ARHGEF3: variants seen among roughly 807,000 people sequenced by gnomAD.
The protein encoded by ARHGEF3 is Rho guanine nucleotide exchange factor 3.
A neutral mutation model predicts 63.2 loss-of-function variants in ARHGEF3; 28 were observed. The observed-to-expected ratio is 0.44, with a 90% CI of 0.33 to 0.61. The LOEUF is 0.61. Ranked by LOEUF, ARHGEF3 falls within the 20% of genes least tolerant of loss-of-function variation. The probability of loss-of-function intolerance (pLI) is 0.03; values close to 1 mark genes in which losing one functional copy is unlikely to be tolerated. For synonymous variants in ARHGEF3, 266 were observed against 254.2 expected (o/e 1.05, Z -0.44); for missense variants, 533 against 659.3 (o/e 0.81, Z 2.10).
At chr3:56,773,431 G>GA (rs1295783124) in intron 2 of ARHGEF3, among the ~76,000 whole-genome samples, 2 of 152,056 alleles carry the variant, frequency 1.3e-5, no homozygotes, top group Admixed American at 1.3e-4. Context: ...GATATTTTAG[G>GA]AAAAAAATCG....
At chr3:56,973,283 C>T (rs956889873) in intron 2 of ARHGEF3, among the ~76,000 whole-genome samples, 1 of 152,146 alleles carries the variant, frequency 6.6e-6, no homozygotes, top group Non-Finnish European at 1.5e-5. Flanking sequence ...TCCCAAAGTG[C>T]TGGGATTACA....
chr3:56,804,621 C>G (rs2037797333), upstream of ARHGEF3, among the ~76,000 whole-genome samples: 1 of 152,160 alleles, frequency 6.6e-6, no homozygotes, highest in Non-Finnish European at 1.5e-5. Flanking sequence ...AAGAGAGCAC[C>G]TGAGTTTTTT....
chr3:56,750,947 C>G, intron 6 of ARHGEF3, 109 bp downstream of exon 6: 1 of 785,558 alleles, frequency 1.3e-6, no homozygotes, highest in Non-Finnish European at 1.8e-6. Context: ...GATGTGAAAC[C>G]AACATTTGTA....
chr3:56,947,438 C>G (rs192194132), intron 3 of ARHGEF3, among the ~76,000 whole-genome samples: 184 of 152,156 alleles, frequency 1.2e-3, no homozygotes, highest in African/African-American at 4.3e-3. Context: ...GGAAGATCTA[C>G]CAAGCAAATG....
At chr3:56,783,726 C>T (rs886661395) in intron 1 of ARHGEF3, among the ~76,000 whole-genome samples, 6 of 152,274 alleles carry the variant, frequency 3.9e-5, no homozygotes, top group South Asian at 4.1e-4. Context: ...CTGTTTCAGA[C>T]GCTGTATTTC....
intron 1 of ARHGEF3, among the ~76,000 whole-genome samples, chr3:56,780,695 G>A (rs1341821542): frequency 1.3e-5 from 2 of 152,278 alleles, no homozygotes; most frequent in East Asian, 1.9e-4. Flanking sequence ...GAAGAGTACT[G>A]GTTGGTTATT....
At chr3:56,951,592 T>A (rs1260794167) in intron 3 of ARHGEF3, among the ~76,000 whole-genome samples, 1 of 151,976 alleles carries the variant, frequency 6.6e-6, no homozygotes, top group Non-Finnish European at 1.5e-5. Context: ...GTCTCTGGGG[T>A]GTGCCTGCAC....
At chr3:57,015,950 T>C (rs1231681906) in intron 2 of ARHGEF3, among the ~76,000 whole-genome samples, 1 of 152,108 alleles carries the variant, frequency 6.6e-6, no homozygotes, top group Non-Finnish European at 1.5e-5. Flanking sequence ...AATCCCCAGA[T>C]GGCCGAATCT....
chr3:57,008,908 G>A (rs893984088), intron 2 of ARHGEF3, among the ~76,000 whole-genome samples: 2 of 152,194 alleles, frequency 1.3e-5, no homozygotes, highest in Non-Finnish European at 2.9e-5. Context: ...TTTTTTCAAT[G>A]AATTGCCAAC....
intron 1 of ARHGEF3, among the ~76,000 whole-genome samples, chr3:56,785,778 ACAGT>A (rs772064455): frequency 1.3e-5 from 2 of 152,226 alleles, no homozygotes; most frequent in Non-Finnish European, 2.9e-5. Context: ...AGCAAAGCTG[ACAGT>A]CAGGTCTGTC....
At position 56,727,447 on chromosome 3, in the gene ARHGEF3, T is replaced by C. The variant is rs1336709695; in HGVS notation, c.*1823A>G. The C allele has an allele frequency of 6.5e-6, 1 of 152,680 alleles. No homozygotes were observed. The highest frequency in any genetic ancestry group is 1.5e-5 in the Non-Finnish European group (1 of 68,050). The allele number at this position is 152,680 out of a possible 1,614,324, so 9.5% of individuals were successfully genotyped here. Reference sequence around the variant, plus strand: ...ACTTAATAATGTAATTTATTTGAAATACTTCCAGAAAAGTTTAAGGCCATT... The same window carrying C: ...ACTTAATAATGTAATTTATTTGAAACACTTCCAGAAAAGTTTAAGGCCATT... On this transcript the variant is annotated 3_prime_UTR_variant, in exon 10 of 10. Coordinates refer to ENST00000296315, the MANE Select transcript of ARHGEF3 (RefSeq NM_019555.3).
chr3:56,921,515 T>G (rs1008025464), intron 3 of ARHGEF3, among the ~76,000 whole-genome samples: 1 of 151,878 alleles, frequency 6.6e-6, no homozygotes, highest in African/African-American at 2.4e-5. Flanking sequence ...AATTAGAGCC[T>G]GAGAGTTGCT....
intron 3 of ARHGEF3, among the ~76,000 whole-genome samples, chr3:56,904,924 C>A (rs570200625): frequency 6.6e-6 from 1 of 152,302 alleles, no homozygotes; most frequent in Non-Finnish European, 1.5e-5. Flanking sequence ...CTCACAAAAC[C>A]TCTCCCATCT....
intron 1 of ARHGEF3, among the ~76,000 whole-genome samples, chr3:56,799,645 T>C (rs1325017431): frequency 6.6e-6 from 1 of 152,146 alleles, no homozygotes; most frequent in Non-Finnish European, 1.5e-5. Context: ...GAAAATATAT[T>C]TTAGTTAACT....
At chr3:56,925,553 C>A (rs993866186) in intron 3 of ARHGEF3, among the ~76,000 whole-genome samples, 2 of 152,144 alleles carry the variant, frequency 1.3e-5, no homozygotes, top group Admixed American at 6.5e-5. Flanking sequence ...AACAACAATA[C>A]GAACCACCAT....
intron 2 of ARHGEF3, among the ~76,000 whole-genome samples, chr3:57,003,388 C>T (rs1452002763): frequency 8.7e-6 from 1 of 115,020 alleles, no homozygotes; most frequent in Non-Finnish European, 1.6e-5. Context: ...GGCAACGAAG[C>T]GAGACGCCGT....
At chr3:57,004,184 G>A (rs956637233) in intron 2 of ARHGEF3, among the ~76,000 whole-genome samples, 2 of 152,184 alleles carry the variant, frequency 1.3e-5, no homozygotes, top group Non-Finnish European at 2.9e-5. Flanking sequence ...ACACACACAG[G>A]ACCCTGACCT....
At chr3:56,995,673 A>AGAGAGAT (rs1429299693) in intron 2 of ARHGEF3, among the ~76,000 whole-genome samples, 1 of 93,474 alleles carries the variant, frequency 1.1e-5, no homozygotes, top group Non-Finnish European at 2.2e-5. Flanking sequence ...GAGAGAGAGA[A>AGAGAGAT]TTTTTTTTAA....
At chr3:57,016,654 C>G (rs1703017599) in intron 2 of ARHGEF3, among the ~76,000 whole-genome samples, 1 of 151,850 alleles carries the variant, frequency 6.6e-6, no homozygotes, top group Non-Finnish European at 1.5e-5. Context: ...TTCAAAATAG[C>G]TACCGTTAGG....
Sources: gnomAD v4.1 joint callset for allele counts (sites outside exome capture counted in the v4.1 genomes callset) on GRCh38, gnomAD v4.1.1 for gene constraint, MANE v1.5 for transcripts, NCBI Gene and HGNC (gene_info 2026-07-23, HGNC 2026-07-21) for gene names.